Variants in SLC9B1 observed in about 807,000 individuals in gnomAD.
The protein encoded by SLC9B1 is solute carrier family 9 member B1, also known as sodium/hydrogen exchanger 9B1.
Under a neutral mutation model 51.7 loss-of-function variants are expected in SLC9B1, and 32 were observed. The ratio of observed to expected loss-of-function variants is 0.62; its 90% CI spans 0.47 to 0.83. The LOEUF (loss-of-function observed/expected upper bound fraction) is 0.83. Among genes scored for constraint, SLC9B1 ranks in the 40% least tolerant of loss-of-function variants. The pLI is 0.00. For missense variants in SLC9B1, 406 were observed against 613.2 expected (o/e 0.66, Z 3.57); for synonymous variants, 145 against 212.7 (o/e 0.68, Z 2.77).
At position 102,910,593 on chromosome 4, in the gene SLC9B1, A is replaced by G. The variant is rs1358909846; in HGVS notation, c.937-5T>C. ...TCTCTTCAATGTAAGTTTTTTCTAG[A>G]ATTAGATAGATATTTAGAAATTAGT... is the stretch of plus-strand genomic sequence containing the variant. On this transcript the variant is annotated splice_polypyrimidine_tract_variant and splice_region_variant and intron_variant, in intron 8 of 11. Transcript: ENST00000296422. The G allele has an allele frequency of 4.5e-6, 6 of 1,330,450 alleles. No individual in the cohort carries two copies. Among genetic ancestry groups the G allele is most frequent in the Non-Finnish European group, 6.0e-6 (6 of 1,006,830 alleles). 82.4% of individuals were successfully genotyped at this position (1,330,450 alleles called of 1,614,324 possible).
chr4:102,897,141 A>C (rs1279610605), downstream of SLC9B1: 1 of 154,136 alleles, frequency 6.5e-6, no homozygotes, highest in African/African-American at 2.4e-5. Flanking sequence ...GCTCAGAAAG[A>C]AGTAGAATGG....
chr4:103,019,521 G>A (rs1741633712), intron 1 of SLC9B1, 78 bp downstream of exon 1: 5 of 955,218 alleles, frequency 5.2e-6, no homozygotes, highest in Non-Finnish European at 6.2e-6. Context: ...GCGGCCTACC[G>A]CAAGGAAACG....
chr4:102,980,817 G>T (rs1252780518), intron 3 of SLC9B1, among the ~76,000 whole-genome samples: 1 of 152,108 alleles, frequency 6.6e-6, no homozygotes, highest in Non-Finnish European at 1.5e-5. Flanking sequence ...TGGTCCATTT[G>T]TTAGAATTGA....
At chr4:103,000,207 T>C (rs1318813320) in intron 1 of SLC9B1, among the ~76,000 whole-genome samples, 1 of 152,148 alleles carries the variant, frequency 6.6e-6, no homozygotes, top group African/African-American at 2.4e-5. Flanking sequence ...AACCAAACCA[T>C]ACTGTTCTGC....
At chr4:102,897,870 A>G (rs1734611437), downstream of SLC9B1, 7 of 370,570 alleles carry the variant, frequency 1.9e-5, no homozygotes, top group South Asian at 6.4e-5. Context: ...ATTTCACAGT[A>G]TAAATATGCT....
Position 102,920,363 on chromosome 4 carries a change from C to T in SLC9B1, c.830-8826G>A, listed in dbSNP as rs186388775. 1.8e-4 allele frequency among the ~76,000 whole-genome samples: 28 copies of T among 152,204 alleles called. No individual in the cohort carries two copies. In the East Asian group the frequency reaches 5.0e-3, roughly 27 times the overall value. Reference sequence around the variant, plus strand: ...AACAAACAGAAAGGAATAGCATCAACATTAACCAAAAGATCATCTACACCA... The same window carrying T: ...AACAAACAGAAAGGAATAGCATCAATATTAACCAAAAGATCATCTACACCA... On this transcript the variant is annotated intron_variant, in intron 7 of 11. Coordinates refer to ENST00000296422, the MANE Select transcript of SLC9B1 (RefSeq NM_139173.4).
chr4:102,978,251 T>C (rs1410962894), intron 3 of SLC9B1, among the ~76,000 whole-genome samples: 1 of 152,224 alleles, frequency 6.6e-6, no homozygotes, highest in Non-Finnish European at 1.5e-5. Context: ...CTATTGTGAA[T>C]AGCGCCGCAA....
chr4:103,015,917 G>A (rs1741292466), intron 1 of SLC9B1, among the ~76,000 whole-genome samples: 1 of 151,784 alleles, frequency 6.6e-6, no homozygotes. Flanking sequence ...AATCACCTGA[G>A]GTCAGGAGTT....
intron 6 of SLC9B1, among the ~76,000 whole-genome samples, chr4:102,939,676 T>G (rs1736894743): frequency 6.6e-6 from 1 of 152,180 alleles, no homozygotes; most frequent in Admixed American, 6.5e-5. Context: ...GCCAACTGAA[T>G]CCAGCAGCAT....
chr4:102,965,029 C>T lies in SLC9B1; in HGVS notation c.212-15602G>A, dbSNP rs182519265. On this transcript the variant is annotated intron_variant, in intron 3 of 11. Transcript: ENST00000296422. ...CACACACACCCACATACCACACCCC[C>T]TCCCAGACTTACTAGAACTAAGAGG... Among the ~76,000 whole-genome samples the T allele has an allele frequency of 2.2e-3, 329 of 152,172 alleles. 2 individuals carry two copies. Among genetic ancestry groups the T allele is most frequent in the Non-Finnish European group, 3.5e-3 (240 of 67,980 alleles).
At chr4:102,975,584 A>ATT (rs1466561136) in intron 3 of SLC9B1, among the ~76,000 whole-genome samples, 114 of 80,128 alleles carry the variant, frequency 1.4e-3, no homozygotes, top group Non-Finnish European at 1.8e-3. Flanking sequence ...ATATATATAT[A>ATT]TATTTTTTTT....
intron 3 of SLC9B1, chr4:102,962,989 C>G: frequency 6.5e-6 from 3 of 460,428 alleles, no homozygotes; most frequent in South Asian, 4.6e-5. Context: ...TTGATGAATA[C>G]AAAACTGTCC....
chr4:102,971,746 A>G (rs187284557), intron 3 of SLC9B1, among the ~76,000 whole-genome samples: 3 of 152,334 alleles, frequency 2.0e-5, no homozygotes, highest in Admixed American at 2.0e-4. Flanking sequence ...CACTAGCAAA[A>G]CTAATAAAGA....
chr4:102,921,210 C>A (rs989899464), intron 7 of SLC9B1, among the ~76,000 whole-genome samples: 9 of 152,212 alleles, frequency 5.9e-5, no homozygotes, highest in Non-Finnish European at 1.2e-4. Flanking sequence ...AACAGTGGAT[C>A]TCTCAGCAGA....
intron 2 of SLC9B1, 84 bp from the exon 3 acceptor site, chr4:102,990,025 A>T (rs1739867205): frequency 9.2e-7 from 1 of 1,082,778 alleles, no homozygotes. Context: ...TTTTAGAATT[A>T]AATTTATATT....
At chr4:102,885,169 AT>A in exon 12 of SLC9B1, 2 of 1,443,108 alleles carry the variant, frequency 1.4e-6, no homozygotes, top group East Asian at 4.5e-5. Context: ...GCTATTTTGA[AT>A]TCTTTTCCAA....
At chr4:103,016,425 T>C (rs768295576) in intron 1 of SLC9B1, among the ~76,000 whole-genome samples, 2 of 152,098 alleles carry the variant, frequency 1.3e-5, no homozygotes, top group Non-Finnish European at 2.9e-5. Flanking sequence ...TCTTGAGATG[T>C]CTATAGTACT....
In SLC9B1 at chr4:102,964,004, A is replaced by G. The variant is rs1738285860; in HGVS notation, c.212-14577T>C. Among the ~76,000 whole-genome samples, 3 of 152,262 alleles carry G rather than the reference A, an allele frequency of 2.0e-5. No individual in the cohort carries two copies. In the South Asian group the frequency reaches 6.2e-4, roughly 32 times the overall value. ...AACAGGATAACATTAAAAACAACCA[A>G]AGAAACTCAAAATTGCTTATTTCGG... On this transcript the variant is annotated intron_variant, in intron 3 of 11. Transcript: ENST00000296422.
intron 3 of SLC9B1, among the ~76,000 whole-genome samples, chr4:102,964,060 C>T (rs538456425): frequency 6.6e-6 from 1 of 152,022 alleles, no homozygotes; most frequent in Admixed American, 6.5e-5. Flanking sequence ...TATTTAGTTA[C>T]ATTGACCAAG....
Sources: allele counts gnomAD v4.1 joint callset (sites outside exome capture counted in the v4.1 genomes callset), GRCh38; gene constraint gnomAD v4.1.1; transcripts MANE v1.5; gene names NCBI Gene and HGNC (gene_info 2026-07-23, HGNC 2026-07-21).